ZC3H12C: variants seen among roughly 807,000 people sequenced by gnomAD.
ZC3H12C encodes the protein zinc finger CCCH-type containing 12C, also known as probable ribonuclease ZC3H12C.
Under a neutral mutation model 76.3 loss-of-function variants are expected in ZC3H12C, and 20 were observed. That is an observed-to-expected ratio of 0.26 (90% CI 0.18 to 0.38). ZC3H12C has a LOEUF of 0.38. ZC3H12C is among the 10% of genes least tolerant of loss of function. ZC3H12C has a pLI of 1.00. For synonymous variants in ZC3H12C, 352 were observed against 399.6 expected, an observed-to-expected ratio of 0.88 and a Z score of 1.42; for missense variants, 874 against 1,086.5, an observed-to-expected ratio of 0.80 and a Z score of 2.75.
chr11:110,120,370 T>TA (rs1861631535), intron 1 of ZC3H12C, among the ~76,000 whole-genome samples: 1 of 152,218 alleles, frequency 6.6e-6, no homozygotes, highest in African/African-American at 2.4e-5. Flanking sequence ...ATATTTTCTC[T>TA]ATAAGGCACA....
chr11:110,131,727 A>C (rs903276628), intron 1 of ZC3H12C: 1 of 152,368 alleles, frequency 6.6e-6, no homozygotes, highest in Non-Finnish European at 1.5e-5. Flanking sequence ...TTTCTTCAAG[A>C]GTTCTGTAAA....
At chr11:110,097,508 C>T (rs1179102970) in intron 1 of ZC3H12C, among the ~76,000 whole-genome samples, 1 of 152,180 alleles carries the variant, frequency 6.6e-6, no homozygotes, top group African/African-American at 2.4e-5. Context: ...TTTGAGAACG[C>T]TATGAAACAT....
chr11:110,145,282 A>G (rs534447141), intron 2 of ZC3H12C, among the ~76,000 whole-genome samples: 102 of 152,330 alleles, frequency 6.7e-4, no homozygotes, highest in African/African-American at 2.1e-3. Flanking sequence ...TTTCCAGTAT[A>G]TTAGTCTTGA....
chr11:110,103,939 C>A (rs2134146680), intron 1 of ZC3H12C, among the ~76,000 whole-genome samples: 1 of 151,440 alleles, frequency 6.6e-6, no homozygotes, highest in South Asian at 2.1e-4. Context: ...AGTGGCATAG[C>A]AATACTTGTT....
At chr11:110,156,702 A>T (rs1862382680) in intron 3 of ZC3H12C, among the ~76,000 whole-genome samples, 1 of 152,242 alleles carries the variant, frequency 6.6e-6, no homozygotes, top group Non-Finnish European at 1.5e-5. Flanking sequence ...TTCATTCCAC[A>T]GACAGTCATT....
intron 1 of ZC3H12C, among the ~76,000 whole-genome samples, chr11:110,132,273 TTAAC>T (rs1861881925): frequency 6.6e-6 from 1 of 152,156 alleles, no homozygotes; most frequent in Admixed American, 6.6e-5. Context: ...ATTATCCAAG[TTAAC>T]TAATGAGAAC....
chr11:110,159,110 G>A (rs1862431003), intron 3 of ZC3H12C, 146 bp from the exon 4 acceptor site: 1 of 625,636 alleles, frequency 1.6e-6, no homozygotes, highest in African/African-American at 1.8e-5. Context: ...TGGAAATGAT[G>A]CTGTATCTAC....
chr11:110,127,317 A>G (rs1861767245), intron 1 of ZC3H12C, among the ~76,000 whole-genome samples: 1 of 152,232 alleles, frequency 6.6e-6, no homozygotes, highest in Non-Finnish European at 1.5e-5. Flanking sequence ...CTTTTCAAAT[A>G]GCACTCAGAA....
intron 1 of ZC3H12C, among the ~76,000 whole-genome samples, chr11:110,098,740 A>AT (rs1861160059): frequency 6.6e-6 from 1 of 152,256 alleles, no homozygotes; most frequent in Admixed American, 6.5e-5. Flanking sequence ...CCAGAGCCAT[A>AT]GGCTATACCA....
rs532283117 is a variant in ZC3H12C at position 110,164,162 on chromosome 11, A to G, written c.1256-179A>G. Among the ~76,000 whole-genome samples the G allele has an allele frequency of 6.6e-6, 1 of 151,878 alleles. No individual in the cohort carries two copies. Among genetic ancestry groups the G allele is most frequent in the South Asian group, 2.1e-4 (1 of 4,806 alleles). Reference sequence around the variant, plus strand: ...TTCGGCCAACTTCCTCCTGTTCTTGATAGTAAAGAAATGAGAAGACTGAGA... The same window carrying G: ...TTCGGCCAACTTCCTCCTGTTCTTGGTAGTAAAGAAATGAGAAGACTGAGA... On this transcript the variant is annotated intron_variant, in intron 5 of 5. Coordinates refer to ENST00000278590, the MANE Select transcript of ZC3H12C (RefSeq NM_033390.2). The surrounding 1 kb of genome is among the most constrained non-coding windows in gnomAD (Gnocchi z 5.7).
chr11:110,165,445 A>G lies in ZC3H12C; in HGVS notation c.2360A>G (p.Tyr787Cys), dbSNP rs760660138. The change falls in exon 6 of 6, where the codon TAT becomes TGT. Residue 787 changes from tyrosine (Y) to cysteine (C), a missense_variant. Physicochemically the swap from Tyr to Cys is radical, Grantham distance 194. Transcript: ENST00000278590. ...WERPGYGIDA[Y>C]GYRQTYSLPD... ...AGGCCAGGCTATGGGATCGACGCCTATGGGTACCGGCAGACTTATTCCTTG... is the reference window on the plus strand; with the variant it reads ...AGGCCAGGCTATGGGATCGACGCCTGTGGGTACCGGCAGACTTATTCCTTG... The G allele has an allele frequency of 4.3e-6, 7 of 1,613,996 alleles. No individual in the cohort carries two copies. The highest frequency in any genetic ancestry group is 2.2e-5 in the South Asian group (2 of 91,078).
At chr11:110,157,541 T>C (rs1862400785) in intron 3 of ZC3H12C, among the ~76,000 whole-genome samples, 1 of 150,566 alleles carries the variant, frequency 6.6e-6, no homozygotes, top group Admixed American at 6.6e-5. Context: ...GTTCAAGCAA[T>C]TCTCCTGCCT....
intron 1 of ZC3H12C, among the ~76,000 whole-genome samples, chr11:110,116,596 G>C (rs910584856): frequency 1.3e-5 from 2 of 152,274 alleles, no homozygotes; most frequent in African/African-American, 4.8e-5. Context: ...TAGAATTACA[G>C]TAATGAGAAT....
At chr11:110,094,070 GT>G (rs1326444462) in intron 1 of ZC3H12C, among the ~76,000 whole-genome samples, 2 of 152,166 alleles carry the variant, frequency 1.3e-5, no homozygotes, top group Non-Finnish European at 2.9e-5. Flanking sequence ...ATTAAGAAGT[GT>G]TACAAATATA....
At chr11:110,100,127 A>G (rs1360593011) in intron 1 of ZC3H12C, among the ~76,000 whole-genome samples, 1 of 151,728 alleles carries the variant, frequency 6.6e-6, no homozygotes, top group East Asian at 1.9e-4. Flanking sequence ...TCTGAGCCAC[A>G]TTATTTTATC....
At chr11:110,120,707 TG>T (rs1374724332) in intron 1 of ZC3H12C, among the ~76,000 whole-genome samples, 2 of 152,194 alleles carry the variant, frequency 1.3e-5, no homozygotes, top group Non-Finnish European at 2.9e-5. Flanking sequence ...TTTGCAAAGA[TG>T]GGGAATCTGC....
At chr11:110,156,783 C>A (rs1029571775) in intron 3 of ZC3H12C, among the ~76,000 whole-genome samples, 1 of 152,118 alleles carries the variant, frequency 6.6e-6, no homozygotes. Context: ...TGGCACCTGC[C>A]CTCAAAATGC....
intron 1 of ZC3H12C, among the ~76,000 whole-genome samples, chr11:110,128,171 T>C (rs1330846736): frequency 6.6e-6 from 1 of 152,122 alleles, no homozygotes; most frequent in African/African-American, 2.4e-5. Flanking sequence ...AGTCATTTAT[T>C]TCAGTGACCC....
chr11:110,110,995 C>T (rs762903100), intron 1 of ZC3H12C, among the ~76,000 whole-genome samples: 28 of 152,118 alleles, frequency 1.8e-4, no homozygotes, highest in Non-Finnish European at 3.8e-4. Flanking sequence ...GTACTGCTGG[C>T]GTGGATGTCT....
Sources: gnomAD v4.1 joint callset for allele counts (sites outside exome capture counted in the v4.1 genomes callset) on GRCh38, gnomAD v4.1.1 for gene constraint, Gnocchi (gnomAD v3.1) non-coding constraint, MANE v1.5 for transcripts, NCBI Gene and HGNC (gene_info 2026-07-23, HGNC 2026-07-21) for gene names.